IGF2BP3: variants seen among roughly 807,000 people sequenced by gnomAD.
IGF2BP3 encodes the protein insulin-like growth factor 2 mRNA-binding protein 3.
Under a neutral mutation model 73.8 loss-of-function variants are expected in IGF2BP3, and 9 were observed. The observed-to-expected ratio is 0.12, with a 90% confidence interval of 0.07 to 0.21. IGF2BP3 has a LOEUF of 0.21. Among genes scored for constraint, IGF2BP3 ranks in the 10% least tolerant of loss-of-function variants. IGF2BP3 has a pLI of 1.00. For synonymous variants in IGF2BP3, 258 were observed against 256.7 expected, an observed-to-expected ratio of 1.01 and a Z score of -0.05; for missense variants, 542 against 714.0, an observed-to-expected ratio of 0.76 and a Z score of 2.75.
At position 23,469,288 on chromosome 7, in the gene IGF2BP3, G is replaced by T. The variant is rs1298655573; in HGVS notation, c.175+648C>A. ...CCGGAGAGCGGCGGGCGGCCGGTGC[G>T]TGGCGGCGACTCCCTTCCAGGCGAC... is the stretch of plus-strand genomic sequence containing the variant. On this transcript the variant is annotated intron_variant, in intron 1 of 14. Coordinates refer to ENST00000258729, the MANE Select transcript of IGF2BP3 (RefSeq NM_006547.3). The surrounding 1 kb of genome is among the most constrained non-coding windows in gnomAD (Gnocchi z 6.1). 6.6e-6 allele frequency: 1 copy of T among 152,184 alleles called. No homozygotes were observed. The highest frequency in any genetic ancestry group is 2.4e-5 in the African/African-American group (1 of 41,402). 9.4% of individuals were successfully genotyped at this position (152,184 alleles called of 1,614,324 possible).
intron 2 of IGF2BP3, among the ~76,000 whole-genome samples, chr7:23,457,568 C>T (rs1788352598): frequency 6.6e-6 from 1 of 152,160 alleles, no homozygotes; most frequent in Non-Finnish European, 1.5e-5. Context: ...AATTATTGCA[C>T]ACCTATGCTG....
chr7:23,418,902 A>T (rs141584290), intron 2 of IGF2BP3, 78 bp from the exon 3 acceptor site: 4 of 883,050 alleles, frequency 4.5e-6, no homozygotes, highest in Non-Finnish European at 7.1e-6. Context: ...GAAGTTTAGA[A>T]ACTACTTAAA....
At chr7:23,320,793 C>T (rs987806080) in intron 10 of IGF2BP3, among the ~76,000 whole-genome samples, 3 of 150,782 alleles carry the variant, frequency 2.0e-5, no homozygotes, top group African/African-American at 4.9e-5. Flanking sequence ...TCAAAAATTA[C>T]AAAAATTAGC....
intron 14 of IGF2BP3, 51 bp from the exon 15 acceptor site, chr7:23,312,511 GTTA>G: frequency 8.1e-7 from 1 of 1,233,268 alleles, no homozygotes; most frequent in Non-Finnish European, 1.2e-6. Context: ...GCTACTAAAA[GTTA>G]TTGTACTCCT....
At chr7:23,441,005 T>G (rs1787919922) in intron 2 of IGF2BP3, among the ~76,000 whole-genome samples, 1 of 152,104 alleles carries the variant, frequency 6.6e-6, no homozygotes, top group Non-Finnish European at 1.5e-5. Context: ...TGGGAAGGCT[T>G]TACACACATA....
At chr7:23,408,331 A>G (rs908197055) in intron 3 of IGF2BP3, among the ~76,000 whole-genome samples, 1 of 152,250 alleles carries the variant, frequency 6.6e-6, no homozygotes, top group Non-Finnish European at 1.5e-5. Flanking sequence ...CAAGCAATCT[A>G]TTAAAAAATA....
chr7:23,334,255 G>A (rs1784516821), intron 10 of IGF2BP3, among the ~76,000 whole-genome samples: 1 of 152,138 alleles, frequency 6.6e-6, no homozygotes, highest in Non-Finnish European at 1.5e-5. Context: ...TCGAATCTGG[G>A]AGGTGGAGGT....
In IGF2BP3 at chr7:23,443,938, G is replaced by C. The variant is rs543178780; in HGVS notation, c.236+24544C>G. ...GCAGGAGAATCGCTTGAACCCAGGA[G>C]GCGGAGGATGCAGTGAGCTGAGATC... On this transcript the variant is annotated intron_variant, in intron 2 of 14. Transcript: ENST00000258729. 4.6e-5 allele frequency among the ~76,000 whole-genome samples: 7 copies of C among 152,302 alleles called. No individual in the cohort carries two copies. The South Asian group carries it at 1.4e-3, about 32-fold the overall frequency.
intron 10 of IGF2BP3, among the ~76,000 whole-genome samples, chr7:23,340,128 G>A (rs1784672072): frequency 6.6e-6 from 1 of 152,116 alleles, no homozygotes; most frequent in African/African-American, 2.4e-5. Context: ...GGCCAGACCT[G>A]GGCTCTGACT....
chr7:23,407,946 C>T (rs368133740), intron 3 of IGF2BP3, among the ~76,000 whole-genome samples: 489 of 23,206 alleles, frequency 0.021, 5 homozygotes, highest in Middle Eastern at 0.11. Context: ...TTGTGGGGGG[C>T]AGGGGGCGGG....
At chr7:23,412,136 C>T (rs1248581739) in intron 3 of IGF2BP3, among the ~76,000 whole-genome samples, 1 of 151,998 alleles carries the variant, frequency 6.6e-6, no homozygotes, top group East Asian at 1.9e-4. Flanking sequence ...GCATGCGCTA[C>T]CATGCCTGGC....
At chr7:23,373,668 T>C (rs886292768) in intron 3 of IGF2BP3, among the ~76,000 whole-genome samples, 2 of 152,176 alleles carry the variant, frequency 1.3e-5, no homozygotes, top group Non-Finnish European at 2.9e-5. Context: ...AAAATAGACC[T>C]ACCATATGAT....
At chr7:23,389,190 T>G (rs1420627588) in intron 3 of IGF2BP3, among the ~76,000 whole-genome samples, 1 of 151,152 alleles carries the variant, frequency 6.6e-6, no homozygotes, top group East Asian at 1.9e-4. Context: ...AGACAGAGTC[T>G]CACTCTGTCG....
chr7:23,314,353 T>C (rs946190692), intron 12 of IGF2BP3, among the ~76,000 whole-genome samples: 3 of 152,028 alleles, frequency 2.0e-5, no homozygotes, highest in African/African-American at 4.8e-5. Context: ...TGGCTAATTA[T>C]TTTTGCATTT....
intron 2 of IGF2BP3, among the ~76,000 whole-genome samples, chr7:23,448,239 A>G (rs1788110275): frequency 6.6e-6 from 1 of 152,182 alleles, no homozygotes; most frequent in East Asian, 1.9e-4. Flanking sequence ...AACAGAAGGA[A>G]ACAAATGCTA....
chr7:23,445,977 CAAATT>C (rs1373727020), intron 2 of IGF2BP3, among the ~76,000 whole-genome samples: 6 of 152,030 alleles, frequency 3.9e-5, no homozygotes, highest in African/African-American at 7.2e-5. Context: ...AAGCACAAAA[CAAATT>C]AAAAGAAAAA....
At chr7:23,322,850 C>A (rs1401757132) in intron 10 of IGF2BP3, among the ~76,000 whole-genome samples, 1 of 152,058 alleles carries the variant, frequency 6.6e-6, no homozygotes, top group Non-Finnish European at 1.5e-5. Context: ...GAAATAAAAT[C>A]CTTTACAGGC....
intron 3 of IGF2BP3, among the ~76,000 whole-genome samples, chr7:23,389,515 G>A (rs116277835): frequency 7.9e-5 from 12 of 151,566 alleles, no homozygotes; most frequent in African/African-American, 2.9e-4. Context: ...GAAAAAAGCA[G>A]GAAATTACAT....
Position 23,352,278 on chromosome 7 carries a change from ATTTTTTTT to A in IGF2BP3, c.402-700_402-693del, listed in dbSNP as rs70966011. Among the ~76,000 whole-genome samples, 445 of 73,790 alleles carry A rather than the reference ATTTTTTTT, an allele frequency of 6.0e-3. 1 individual carries two copies. Among genetic ancestry groups the A allele is most frequent in the Non-Finnish European group, 9.6e-3 (380 of 39,480 alleles). The allele number at this position is 73,790 out of a possible 152,430, so 48.4% of individuals were successfully genotyped here. ...TTGGGGGAGAGTTTCTCTCTTTTTC[ATTTTTTTT>A]TTTTTTTTTTTTTTTTTTTGGAGAC... On this transcript the variant is annotated intron_variant, in intron 5 of 14. Transcript: ENST00000258729.
Sources: allele counts gnomAD v4.1 joint callset (sites outside exome capture counted in the v4.1 genomes callset), GRCh38; gene constraint gnomAD v4.1.1; non-coding constraint Gnocchi (gnomAD v3.1); transcripts MANE v1.5; gene names NCBI Gene and HGNC (gene_info 2026-07-23, HGNC 2026-07-21).